Variants in KIAA1328 observed in about 807,000 individuals in gnomAD.
The protein encoded by KIAA1328 is protein hinderin.
A neutral mutation model predicts 68.1 loss-of-function variants in KIAA1328; 52 were observed. The ratio of observed to expected loss-of-function variants is 0.76; its 90% CI spans 0.61 to 0.96. KIAA1328 has a LOEUF of 0.96. Ranked by LOEUF, KIAA1328 falls within the 40% of genes least tolerant of loss-of-function variation. KIAA1328 has a pLI of 0.00. For missense variants in KIAA1328, 641 were observed against 677.6 expected (o/e 0.95, Z 0.60); for synonymous variants, 232 against 239.4 (o/e 0.97, Z 0.28).
chr18:36,978,108 A>G (rs903423882), intron 6 of KIAA1328, among the ~76,000 whole-genome samples: 3 of 152,196 alleles, frequency 2.0e-5, no homozygotes, highest in African/African-American at 7.2e-5. Flanking sequence ...GAAAGGAATA[A>G]AGGGAAAAGG....
intron 5 of KIAA1328, chr18:36,946,355 G>A (rs571242188): frequency 4.6e-5 from 7 of 152,298 alleles, no homozygotes; most frequent in African/African-American, 1.4e-4. Flanking sequence ...AAAGGAGAAG[G>A]ATGGGCCTCC....
chr18:36,936,631 G>A (rs2050510528), intron 5 of KIAA1328, among the ~76,000 whole-genome samples: 1 of 152,176 alleles, frequency 6.6e-6, no homozygotes, highest in Admixed American at 6.5e-5. Context: ...TATATACCCA[G>A]TAATGGGATT....
At chr18:37,051,545 A>T (rs2055694100) in intron 6 of KIAA1328, among the ~76,000 whole-genome samples, 1 of 152,210 alleles carries the variant, frequency 6.6e-6, no homozygotes, top group African/African-American at 2.4e-5. Context: ...GAGTTATGAA[A>T]TTGAATCAGT....
chr18:36,994,264 T>C (rs953521916), intron 6 of KIAA1328, among the ~76,000 whole-genome samples: 1 of 152,220 alleles, frequency 6.6e-6, no homozygotes, highest in East Asian at 1.9e-4. Flanking sequence ...TTCAAGCTAG[T>C]CTAAAGGAAA....
intron 5 of KIAA1328, among the ~76,000 whole-genome samples, chr18:36,926,383 CTATT>C (rs72299711): frequency 0.018 from 2,706 of 147,104 alleles, 36 homozygotes; most frequent in African/African-American, 0.044. Flanking sequence ...CTCTCTCTCT[CTATT>C]TATTTATTTA....
chr18:36,904,003 C>G (rs924053777), intron 5 of KIAA1328, among the ~76,000 whole-genome samples: 2 of 152,072 alleles, frequency 1.3e-5, no homozygotes, highest in African/African-American at 4.8e-5. Flanking sequence ...TACATTGAAG[C>G]ATTGTTTGTA....
chr18:36,832,184 T>C (rs1372305191), intron 1 of KIAA1328, among the ~76,000 whole-genome samples: 1 of 152,152 alleles, frequency 6.6e-6, no homozygotes. Context: ...TTACAAATTA[T>C]TAGAAAGGAT....
intron 7 of KIAA1328, among the ~76,000 whole-genome samples, chr18:37,153,945 A>G (rs2059099222): frequency 6.7e-6 from 1 of 150,338 alleles, no homozygotes; most frequent in South Asian, 2.1e-4. Flanking sequence ...TTAAATGTCT[A>G]CCTTTCTTCC....
At position 37,039,357 on chromosome 18, in the gene KIAA1328, T is replaced by A. The variant is rs116798719; in HGVS notation, c.577-27533T>A. ...CTGAGTTTTTTCTTTTGTGGAAATGTTTTTTTCAATACCAATTCAGTTTTT... is the reference window on the plus strand; with the variant it reads ...CTGAGTTTTTTCTTTTGTGGAAATGATTTTTTCAATACCAATTCAGTTTTT... On this transcript the variant is annotated intron_variant, in intron 6 of 9. Transcript: ENST00000280020. Among the ~76,000 whole-genome samples the A allele has an allele frequency of 2.3e-3, 353 of 152,142 alleles. 1 individual carries two copies. Among genetic ancestry groups the A allele is most frequent in the African/African-American group, 8.0e-3 (332 of 41,506 alleles).
At chr18:36,887,396 T>C (rs1201769627) in intron 5 of KIAA1328, among the ~76,000 whole-genome samples, 3 of 152,152 alleles carry the variant, frequency 2.0e-5, no homozygotes, top group Non-Finnish European at 2.9e-5. Flanking sequence ...ACAAGTACTC[T>C]GGAGATTATG....
chr18:37,137,312 C>T (rs1169292142), intron 7 of KIAA1328, among the ~76,000 whole-genome samples: 2 of 152,156 alleles, frequency 1.3e-5, no homozygotes, highest in Non-Finnish European at 2.9e-5. Flanking sequence ...CTCATTCCTT[C>T]TCTTCTGCCT....
At chr18:37,012,720 T>C (rs1355983444) in intron 6 of KIAA1328, among the ~76,000 whole-genome samples, 1 of 152,216 alleles carries the variant, frequency 6.6e-6, no homozygotes, top group Non-Finnish European at 1.5e-5. Flanking sequence ...CTAATTGCAC[T>C]CTGGAGTGTA....
chr18:37,007,799 C>T (rs565425815), intron 6 of KIAA1328, among the ~76,000 whole-genome samples: 4 of 152,286 alleles, frequency 2.6e-5, no homozygotes, highest in Admixed American at 2.6e-4. Flanking sequence ...CCTACCCCTT[C>T]TGCTGATTAA....
chr18:36,942,447 AC>A (rs1400935823), intron 5 of KIAA1328, among the ~76,000 whole-genome samples: 1 of 152,222 alleles, frequency 6.6e-6, no homozygotes, highest in Non-Finnish European at 1.5e-5. Flanking sequence ...ATTCAGTTCC[AC>A]AGGCAGTAGG....
intron 6 of KIAA1328, among the ~76,000 whole-genome samples, chr18:36,975,976 G>A (rs1278930123): frequency 6.6e-6 from 1 of 152,050 alleles, no homozygotes; most frequent in Non-Finnish European, 1.5e-5. Flanking sequence ...GCATGTCATG[G>A]GATATAAACA....
chr18:37,144,628 A>G (rs1421973394), intron 7 of KIAA1328, among the ~76,000 whole-genome samples: 1 of 152,102 alleles, frequency 6.6e-6, no homozygotes, highest in African/African-American at 2.4e-5. Flanking sequence ...CGCCTGACTC[A>G]GGTGGTCCTT....
At chr18:36,883,383 A>G (rs537190776) in intron 4 of KIAA1328, among the ~76,000 whole-genome samples, 30 of 152,218 alleles carry the variant, frequency 2.0e-4, no homozygotes, top group Non-Finnish European at 3.8e-4. Context: ...CACAAGGGAA[A>G]AAAGACCCTC....
intron 7 of KIAA1328, among the ~76,000 whole-genome samples, chr18:37,086,533 C>T (rs1400075880): frequency 2.0e-5 from 3 of 152,170 alleles, no homozygotes; most frequent in Non-Finnish European, 4.4e-5. Flanking sequence ...TCCTGGATCA[C>T]ATGCTATCCT....
intron 4 of KIAA1328, among the ~76,000 whole-genome samples, chr18:36,863,838 T>A (rs1420944061): frequency 6.6e-6 from 1 of 152,228 alleles, no homozygotes; most frequent in African/African-American, 2.4e-5. Context: ...GAAATATGAT[T>A]GAATTTTGTC....
Sources: allele counts gnomAD v4.1 joint callset (sites outside exome capture counted in the v4.1 genomes callset), GRCh38; gene constraint gnomAD v4.1.1; transcripts MANE v1.5; gene names NCBI Gene and HGNC (gene_info 2026-07-23, HGNC 2026-07-21).